SH3PXD2B: variants seen among roughly 807,000 people sequenced by gnomAD.
The protein encoded by SH3PXD2B is SH3 and PX domains 2B.
Under a neutral mutation model 73.1 loss-of-function variants are expected in SH3PXD2B, and 37 were observed. The observed-to-expected ratio is 0.51, with a 90% confidence interval of 0.39 to 0.67. SH3PXD2B has a LOEUF of 0.67. SH3PXD2B is among the 30% of genes least tolerant of loss of function. The probability of loss-of-function intolerance (pLI) is 0.00; values close to 1 mark genes in which losing one functional copy is unlikely to be tolerated. For missense variants in SH3PXD2B, 1,053 were observed against 1,197.8 expected (o/e 0.88, Z 1.78); for synonymous variants, 457 against 480.5 (o/e 0.95, Z 0.64).
chr5:172,390,003 C>A (rs1235459339), intron 4 of SH3PXD2B, among the ~76,000 whole-genome samples: 6 of 152,198 alleles, frequency 3.9e-5, no homozygotes, highest in Admixed American at 3.9e-4. Flanking sequence ...CAGGCATGAG[C>A]CACTGCGCCT....
chr5:172,439,991 A>T lies in SH3PXD2B; in HGVS notation c.75+14287T>A, dbSNP rs566302082. On this transcript the variant is annotated intron_variant, in intron 1 of 12. Transcript: ENST00000311601. ...TCCAATGGCAAGCAGAGGTGCTGGC[A>T]GCTGGAGCCCAGGCTCAGCCGGAAC... Among the ~76,000 whole-genome samples the T allele has an allele frequency of 1.6e-4, 25 of 152,290 alleles. No individual in the cohort carries two copies. In the East Asian group the frequency reaches 4.8e-3, roughly 29 times the overall value.
intron 11 of SH3PXD2B, among the ~76,000 whole-genome samples, chr5:172,346,488 G>C (rs1381334385): frequency 6.6e-6 from 1 of 152,106 alleles, no homozygotes; most frequent in Non-Finnish European, 1.5e-5. Flanking sequence ...CGGGACATTT[G>C]GGTACAATCA....
rs564532519 is a variant in SH3PXD2B, at chr5:172,400,689, C to G, written c.232+5588G>C. Among the ~76,000 whole-genome samples, 3 of 152,332 alleles carry G rather than the reference C, an allele frequency of 2.0e-5. No homozygotes were observed. In the South Asian group the frequency reaches 6.2e-4, roughly 32 times the overall value. ...TACCTCCAACCTGACTGTTCCCACA[C>G]AGAGTTGTGTTAAGCTTCCTTACAT... On this transcript the variant is annotated intron_variant, in intron 3 of 12. Transcript: ENST00000311601.
rs535970456 is a variant in SH3PXD2B, at chr5:172,448,558, C to A, written c.75+5720G>T. ...TCACATAGTGCAAGGTCACCCCGCT[C>A]AGGAGCGCTTGAAGAGAATTCAAAG... On this transcript the variant is annotated intron_variant, in intron 1 of 12. Transcript: ENST00000311601. Among the ~76,000 whole-genome samples the A allele has an allele frequency of 3.9e-5, 6 of 152,314 alleles. No individual in the cohort carries two copies. In the East Asian group the frequency reaches 1.2e-3, roughly 29 times the overall value.
intron 10 of SH3PXD2B, among the ~76,000 whole-genome samples, chr5:172,348,388 G>A (rs550981902): frequency 6.6e-6 from 1 of 151,904 alleles, no homozygotes; most frequent in African/African-American, 2.4e-5. Context: ...GCAATGCACT[G>A]CTTTTCATTG....
chr5:172,325,194 A>G, exon 13 of SH3PXD2B: 1 of 991,612 alleles, frequency 1.0e-6, no homozygotes, highest in Non-Finnish European at 1.5e-6. Flanking sequence ...TGTATTACGC[A>G]TATTTTACCA....
chr5:172,425,790 G>A (rs1210914833), intron 1 of SH3PXD2B, among the ~76,000 whole-genome samples: 1 of 152,200 alleles, frequency 6.6e-6, no homozygotes, highest in Admixed American at 6.5e-5. Flanking sequence ...GTGTGGAAAC[G>A]GCTTGAAGAG....
chr5:172,415,656 C>T (rs1758802876), intron 2 of SH3PXD2B, among the ~76,000 whole-genome samples: 1 of 152,206 alleles, frequency 6.6e-6, no homozygotes, highest in South Asian at 2.1e-4. Context: ...GATATTGTTA[C>T]TATGTGGCTC....
chr5:172,452,185 C>T (rs535045789), intron 1 of SH3PXD2B, among the ~76,000 whole-genome samples: 1 of 152,236 alleles, frequency 6.6e-6, no homozygotes, highest in African/African-American at 2.4e-5. Flanking sequence ...GATGAAAAAA[C>T]TGAGGCTGAG....
At chr5:172,365,671 C>T (rs1757503424) in intron 6 of SH3PXD2B, among the ~76,000 whole-genome samples, 1 of 152,206 alleles carries the variant, frequency 6.6e-6, no homozygotes, top group South Asian at 2.1e-4. Context: ...GAGCAGTGGC[C>T]TGAGAGTGGG....
chr5:172,418,657 A>C (rs1214526678), intron 2 of SH3PXD2B, among the ~76,000 whole-genome samples: 1 of 151,834 alleles, frequency 6.6e-6, no homozygotes, highest in Non-Finnish European at 1.5e-5. Context: ...TGTGTGGGGG[A>C]GGAGGCGGCC....
chr5:172,436,107 A>C (rs1407448292), intron 1 of SH3PXD2B, among the ~76,000 whole-genome samples: 3 of 152,180 alleles, frequency 2.0e-5, no homozygotes, highest in Non-Finnish European at 4.4e-5. Flanking sequence ...CTTCCATGAC[A>C]GTGTCTGAAT....
Position 172,454,427 on chromosome 5 carries a change from C to T in SH3PXD2B, c.-75G>A, listed in dbSNP as rs1284998481. ...GGTGCAGGGAGCGCTGGGGGCGCGC[C>T]GCCGCGGGCAGGGAACCTGGAGCTG... On this transcript the variant is annotated 5_prime_UTR_variant, in exon 1 of 13. Coordinates refer to ENST00000311601, the MANE Select transcript of SH3PXD2B (RefSeq NM_001017995.3). 1.0e-6 allele frequency: 1 copy of T among 958,718 alleles called. No individual in the cohort carries two copies. Among genetic ancestry groups the T allele is most frequent in the African/African-American group, 1.7e-5 (1 of 57,378 alleles). The allele number at this position is 958,718 out of a possible 1,614,324, so 59.4% of individuals were successfully genotyped here.
intron 1 of SH3PXD2B, among the ~76,000 whole-genome samples, chr5:172,436,655 A>C (rs887633123): frequency 6.6e-6 from 1 of 152,208 alleles, no homozygotes; most frequent in Non-Finnish European, 1.5e-5. Context: ...CATACCTACG[A>C]AACAGTAGAA....
chr5:172,343,130 G>A (rs553962039), intron 12 of SH3PXD2B, among the ~76,000 whole-genome samples: 45 of 152,346 alleles, frequency 3.0e-4, no homozygotes, highest in African/African-American at 1.0e-3. Context: ...CTGAGCCAGC[G>A]GGATGCACTT....
Position 172,337,682 on chromosome 5 carries a change from A to C in SH3PXD2B, c.*687T>G. On this transcript the variant is annotated 3_prime_UTR_variant, in exon 13 of 13. Coordinates refer to ENST00000311601, the MANE Select transcript of SH3PXD2B (RefSeq NM_001017995.3). ...AAAGCGCAGCATACGCGGGGCTGGA[A>C]CCACCCTTCAGGGCTGACCACGGTC... 1.0e-6 allele frequency: 1 copy of C among 988,142 alleles called. No individual in the cohort carries two copies. The highest frequency in any genetic ancestry group is 1.7e-5 in the African/African-American group (1 of 57,360). 61.2% of individuals were successfully genotyped at this position (988,142 alleles called of 1,614,324 possible).
At chr5:172,400,655 T>C (rs1758403926) in intron 3 of SH3PXD2B, among the ~76,000 whole-genome samples, 1 of 152,240 alleles carries the variant, frequency 6.6e-6, no homozygotes, top group South Asian at 2.1e-4. Context: ...CCAGACATTC[T>C]GCTTTACTTA....
rs1016084042 is a variant in SH3PXD2B at position 172,346,541 on chromosome 5, G to C, written c.1063-280C>G. Among the ~76,000 whole-genome samples, 30 of 152,152 alleles carry C rather than the reference G, an allele frequency of 2.0e-4. 1 individual carries two copies. On this transcript the variant is annotated intron_variant, in intron 11 of 12. Transcript: ENST00000311601. ...ACAATATTCTCTGAAATAAGAGGCAGTGAGGGTTGTGGAGGGAGCTTAAGT... is the reference window on the plus strand; with the variant it reads ...ACAATATTCTCTGAAATAAGAGGCACTGAGGGTTGTGGAGGGAGCTTAAGT...
chr5:172,348,622 CTATGTATCTATCTATG>C lies in SH3PXD2B; in HGVS notation c.1013-1306_1013-1291del, dbSNP rs1326758346. Among the ~76,000 whole-genome samples, 40 of 116,372 alleles carry C rather than the reference CTATGTATCTATCTATG, an allele frequency of 3.4e-4. 1 individual carries two copies. The highest frequency in any genetic ancestry group is 5.9e-4 in the South Asian group (2 of 3,362). 76.3% of individuals were successfully genotyped at this position (116,372 alleles called of 152,430 possible). On this transcript the variant is annotated intron_variant, in intron 10 of 12. Transcript: ENST00000311601. ...TCTTTGTTTTAGCATCTGAATCTAT[CTATGTATCTATCTATG>C]TATCTATCTATCTATCCTATCTATC...
Sources: gnomAD v4.1 joint callset for allele counts (sites outside exome capture counted in the v4.1 genomes callset) on GRCh38, gnomAD v4.1.1 for gene constraint, MANE v1.5 for transcripts, NCBI Gene and HGNC (gene_info 2026-07-23, HGNC 2026-07-21) for gene names.